The following TENM4 variants were observed in gnomAD, a reference collection of about 807,000 sequenced individuals.
TENM4 encodes the protein teneurin transmembrane protein 4.
Under a neutral mutation model 243.3 loss-of-function variants are expected in TENM4, and 82 were observed. The ratio of observed to expected loss-of-function variants is 0.34; its 90% CI spans 0.28 to 0.40. The LOEUF (loss-of-function observed/expected upper bound fraction) is 0.40. TENM4 is among the 10% of genes least tolerant of loss of function. TENM4 has a pLI of 1.00. For synonymous variants in TENM4, 1,412 were observed against 1,456.3 expected, an observed-to-expected ratio of 0.97 and a Z score of 0.69; for missense variants, 3,138 against 3,673.3, an observed-to-expected ratio of 0.85 and a Z score of 3.77.
At chr11:79,050,254 A>G (rs1168711783) in intron 6 of TENM4, among the ~76,000 whole-genome samples, 1 of 152,184 alleles carries the variant, frequency 6.6e-6, no homozygotes, top group African/African-American at 2.4e-5. Context: ...TGGGGAAAAA[A>G]GTGACACGAT....
chr11:79,025,839 G>A (rs190498530), intron 6 of TENM4, among the ~76,000 whole-genome samples: 23 of 152,266 alleles, frequency 1.5e-4, no homozygotes, highest in Non-Finnish European at 2.2e-4. Flanking sequence ...GAACAAACCC[G>A]ATCTCTCTCG....
intron 29 of TENM4, among the ~76,000 whole-genome samples, chr11:78,683,808 T>G (rs1352794481): frequency 6.6e-6 from 1 of 152,062 alleles, no homozygotes; most frequent in Non-Finnish European, 1.5e-5. Flanking sequence ...CTCCCTAGAT[T>G]CTTAACTAAA....
At chr11:79,004,851 C>A (rs1858436461) in intron 6 of TENM4, among the ~76,000 whole-genome samples, 1 of 145,922 alleles carries the variant, frequency 6.9e-6, no homozygotes, top group Admixed American at 7.0e-5. Flanking sequence ...AAGCTGCTAG[C>A]TAGGCTAATA....
chr11:79,153,244 T>A (rs1862543351), intron 3 of TENM4, among the ~76,000 whole-genome samples: 1 of 152,198 alleles, frequency 6.6e-6, no homozygotes, highest in African/African-American at 2.4e-5. Context: ...AAGATTGTTA[T>A]GGGGATTAAA....
At chr11:79,215,263 T>C (rs1864026737) in intron 3 of TENM4, among the ~76,000 whole-genome samples, 1 of 152,158 alleles carries the variant, frequency 6.6e-6, no homozygotes, top group African/African-American at 2.4e-5. Context: ...TGCACAGCAA[T>C]ATGAGGAAAC....
chr11:78,815,722 A>G (rs189621071), intron 12 of TENM4, among the ~76,000 whole-genome samples: 267 of 152,362 alleles, frequency 1.8e-3, no homozygotes, highest in Non-Finnish European at 2.8e-3. Context: ...ATTTCCACAA[A>G]TTTATCTCAT....
At chr11:79,090,055 C>T (rs1159084946) in intron 4 of TENM4, among the ~76,000 whole-genome samples, 1 of 152,178 alleles carries the variant, frequency 6.6e-6, no homozygotes, top group Non-Finnish European at 1.5e-5. Flanking sequence ...AAGCACTATA[C>T]AAATATATGT....
At chr11:79,126,581 G>A (rs1474031149) in intron 4 of TENM4, among the ~76,000 whole-genome samples, 1 of 151,886 alleles carries the variant, frequency 6.6e-6, no homozygotes, top group African/African-American at 2.4e-5. Flanking sequence ...TTATCATGGT[G>A]TTACTAGAAG....
chr11:79,332,119 T>C (rs1207864869), intron 1 of TENM4, among the ~76,000 whole-genome samples: 1 of 152,168 alleles, frequency 6.6e-6, no homozygotes, highest in African/African-American at 2.4e-5. Context: ...CCCCATTTTA[T>C]AGCAGAGAAA....
chr11:79,206,301 A>G (rs1863848898), intron 3 of TENM4, among the ~76,000 whole-genome samples: 1 of 152,236 alleles, frequency 6.6e-6, no homozygotes, highest in African/African-American at 2.4e-5. Context: ...GAGATCTAGA[A>G]TTGCAGGAAA....
intron 2 of TENM4, among the ~76,000 whole-genome samples, chr11:79,246,400 T>C (rs1855515505): frequency 1.3e-5 from 2 of 152,194 alleles, no homozygotes; most frequent in African/African-American, 4.8e-5. Context: ...AAGCTAGAGA[T>C]ACCAGGCCTA....
In TENM4 at chr11:78,676,379, G is replaced by C. The variant is rs754531954; in HGVS notation, c.5269C>G (p.Arg1757Gly). 4.4e-6 allele frequency: 7 copies of C among 1,594,962 alleles called. No homozygotes were observed. The highest frequency in any genetic ancestry group is 6.0e-6 in the Non-Finnish European group (7 of 1,165,322). Reference sequence around the variant, plus strand: ...TCGGCCCCGATGTAGTAGCTGTTCCGGACTTGGTCTGCAGGAGAGGACAAG... The same window carrying C: ...TCGGCCCCGATGTAGTAGCTGTTCCCGACTTGGTCTGCAGGAGAGGACAAG... ...AFYTLLQDQV[R>G]NSYYIGADGS... The change falls in exon 30 of 34, where the codon CGG becomes GGG. Residue 1757 changes from arginine to glycine, a missense_variant. Transcript: ENST00000278550.
intron 4 of TENM4, among the ~76,000 whole-genome samples, chr11:79,113,392 G>GGTGTGTGTGTGTGTGTGT (rs113144339): frequency 0.02 from 2,897 of 145,104 alleles, 44 homozygotes; most frequent in Non-Finnish European, 0.028. Flanking sequence ...CTATTGGATT[G>GGTGTGTGTGTGTGTGTGT]GTGTGTGTGT....
chr11:79,342,287 C>T (rs1383457034), intron 1 of TENM4, among the ~76,000 whole-genome samples: 1 of 152,152 alleles, frequency 6.6e-6, no homozygotes, highest in African/African-American at 2.4e-5. Flanking sequence ...GTAGGTGTGA[C>T]TGCATGGACC....
Position 79,228,483 on chromosome 11 carries a change from A to T in TENM4, c.-264-12574T>A, listed in dbSNP as rs570801968. Among the ~76,000 whole-genome samples, 84 of 152,064 alleles carry T rather than the reference A, an allele frequency of 5.5e-4. 1 individual carries two copies. In the South Asian group the frequency reaches 0.017, roughly 31 times the overall value. ...TTCCAGGGAGGAAACCAATGCCGAG[A>T]CTCCAGTGCAGACTTGCTTGCCACC... On this transcript the variant is annotated intron_variant, in intron 2 of 33. Transcript: ENST00000278550.
chr11:79,053,266 C>G (rs917621111), intron 6 of TENM4, among the ~76,000 whole-genome samples: 1 of 152,146 alleles, frequency 6.6e-6, no homozygotes, highest in South Asian at 2.1e-4. Flanking sequence ...TGGGTTCCAG[C>G]CTGACCTGCA....
chr11:78,957,921 C>A (rs1036457051), intron 6 of TENM4, among the ~76,000 whole-genome samples: 4 of 151,990 alleles, frequency 2.6e-5, no homozygotes, highest in Non-Finnish European at 5.9e-5. Context: ...CAAACTCCTA[C>A]TAAGGAGAAG....
rs559753775 is a variant in TENM4, at chr11:78,848,107, T to C, written c.1681+5997A>G. On this transcript the variant is annotated intron_variant, in intron 12 of 33. Transcript: ENST00000278550. ...AAATGAAAAACACCACTGAACATCA[T>C]TGAACAAGTCCTTTGTCCTTCCTCA... 1.1e-4 allele frequency among the ~76,000 whole-genome samples: 16 copies of C among 151,596 alleles called. No individual in the cohort carries two copies. In the South Asian group the frequency reaches 1.5e-3, roughly 14 times the overall value.
At chr11:78,767,885 G>A (rs1003413103) in intron 18 of TENM4, among the ~76,000 whole-genome samples, 2 of 152,214 alleles carry the variant, frequency 1.3e-5, no homozygotes, top group African/African-American at 4.8e-5. Flanking sequence ...AGCTTCTTGA[G>A]GGAGAAAGAC....
Sources: allele counts gnomAD v4.1 joint callset (sites outside exome capture counted in the v4.1 genomes callset), GRCh38; gene constraint gnomAD v4.1.1; transcripts MANE v1.5; gene names NCBI Gene and HGNC (gene_info 2026-07-23, HGNC 2026-07-21).